CACNA1C: variants seen among roughly 807,000 people sequenced by gnomAD.
The protein encoded by CACNA1C is calcium voltage-gated channel subunit alpha1 C, also known as voltage-dependent L-type calcium channel subunit alpha-1C.
In CACNA1C, 30 loss-of-function variants were observed where a neutral mutation model predicts 229.0. The observed-to-expected ratio is 0.13, with a 90% CI of 0.10 to 0.18. The LOEUF (loss-of-function observed/expected upper bound fraction) is 0.18. Among genes scored for constraint, CACNA1C ranks in the 10% least tolerant of loss-of-function variants. The probability of loss-of-function intolerance (pLI) is 1.00; values close to 1 mark genes in which losing one functional copy is unlikely to be tolerated. For missense variants in CACNA1C, 1,658 were observed against 2,845.0 expected (o/e 0.58, Z 9.49); for synonymous variants, 1,114 against 1,132.5 (o/e 0.98, Z 0.33).
intron 3 of CACNA1C, among the ~76,000 whole-genome samples, chr12:2,352,957 A>G (rs1230714606): frequency 6.6e-6 from 1 of 152,230 alleles, no homozygotes; most frequent in Non-Finnish European, 1.5e-5. Flanking sequence ...CTTATGAAGC[A>G]TACACACAAG....
intron 3 of CACNA1C, among the ~76,000 whole-genome samples, chr12:2,200,603 C>T (rs2097553810): frequency 6.6e-6 from 1 of 152,232 alleles, no homozygotes; most frequent in Admixed American, 6.5e-5. Flanking sequence ...AAGGCTCCTA[C>T]TCCCATGAAG....
At chr12:2,253,143 A>T (rs147545118) in intron 3 of CACNA1C, among the ~76,000 whole-genome samples, 1 of 152,170 alleles carries the variant, frequency 6.6e-6, no homozygotes, top group African/African-American at 2.4e-5. Flanking sequence ...GAATCCACTT[A>T]TCCCCAAAGA....
intron 19 of CACNA1C, among the ~76,000 whole-genome samples, chr12:2,594,000 TAGAC>T (rs1271565976): frequency 6.6e-6 from 1 of 152,242 alleles, no homozygotes; most frequent in Non-Finnish European, 1.5e-5. Flanking sequence ...TACACGATTT[TAGAC>T]AGACAATTTT....
intron 12 of CACNA1C, among the ~76,000 whole-genome samples, chr12:2,567,001 AT>A (rs144146146): frequency 0.046 from 6,938 of 152,340 alleles, 199 homozygotes; most frequent in Middle Eastern, 0.088. Context: ...AGAGAAGAGA[AT>A]AGGGCCTGAG....
At chr12:2,089,880 T>A (rs1333611133) in intron 1 of CACNA1C, among the ~76,000 whole-genome samples, 1 of 138,724 alleles carries the variant, frequency 7.2e-6, no homozygotes. Flanking sequence ...ATACAAAAAA[T>A]TAGCCGGGCG....
chr12:2,392,236 A>G (rs1388088171), intron 3 of CACNA1C, among the ~76,000 whole-genome samples: 3 of 152,234 alleles, frequency 2.0e-5, no homozygotes, highest in African/African-American at 7.2e-5. Context: ...TAAACGTGAG[A>G]ATTATTTCTA....
At chr12:2,335,624 A>G (rs1340618917) in intron 3 of CACNA1C, among the ~76,000 whole-genome samples, 4 of 152,126 alleles carry the variant, frequency 2.6e-5, no homozygotes, top group Non-Finnish European at 5.9e-5. Context: ...CAGCCTTTCC[A>G]GGTGCAGGAC....
rs2059680090 is a variant in CACNA1C at position 2,067,448 on chromosome 12, ACGTG to A, written c.49+13838_49+13841del. Among the ~76,000 whole-genome samples the A allele has an allele frequency of 6.8e-5, 3 of 44,330 alleles. No homozygotes were observed. The highest frequency in any genetic ancestry group is 1.6e-4 in the Non-Finnish European group (3 of 19,266). The allele number at this position is 44,330 out of a possible 152,430, so 29.1% of individuals were successfully genotyped here. On this transcript the variant is annotated intron_variant, in intron 1 of 46. Coordinates refer to ENST00000399655, the MANE Select transcript of CACNA1C (RefSeq NM_000719.7). This position sits in a 1 kb window ranked among gnomAD's most constrained non-coding sequence, Gnocchi z 5.3. ...GGCTTAGGACTGTGGACTAGGATGC[ACGTG>A]TGTGTGTGTGTGTGTGTGTGTGTGT...
rs1193925518 is a variant in CACNA1C, at chr12:2,531,493, T to C, written c.1391-18450T>C. ...CTAATTGTCTGTTAATCTTTCTGCA[T>C]TCCAATCCCCTTGAAGCCCCATCCA... On this transcript the variant is annotated intron_variant, in intron 9 of 46. Transcript: ENST00000399655. Among the ~76,000 whole-genome samples the C allele has an allele frequency of 2.0e-5, 3 of 152,370 alleles. No homozygotes were observed. The East Asian group carries it at 5.8e-4, about 29-fold the overall frequency.
At chr12:2,449,378 G>A (rs1431676249) in intron 4 of CACNA1C, among the ~76,000 whole-genome samples, 1 of 152,214 alleles carries the variant, frequency 6.6e-6, no homozygotes, top group East Asian at 1.9e-4. Context: ...AAAAGGAGGG[G>A]TCAGGCTTCT....
chr12:2,157,462 G>C (rs1271651645), intron 3 of CACNA1C, among the ~76,000 whole-genome samples: 2 of 152,234 alleles, frequency 1.3e-5, no homozygotes, highest in Non-Finnish European at 2.9e-5. Flanking sequence ...GGCGAATACA[G>C]GGCTGAGACT....
At chr12:2,427,343 A>G (rs549552627) in intron 3 of CACNA1C, among the ~76,000 whole-genome samples, 95 of 152,362 alleles carry the variant, frequency 6.2e-4, no homozygotes, top group African/African-American at 2.1e-3. Flanking sequence ...TGAAAAGGAT[A>G]ACAAATGATC....
rs1333908538 is a variant in CACNA1C at position 2,152,994 on chromosome 12, G to A, written c.477+32564G>A. ...GAAAGCTCAAGGAGGTAGTTACAAAGCAAAGGAAAACAAACAGTTTTGGGC... is the reference window on the plus strand; with the variant it reads ...GAAAGCTCAAGGAGGTAGTTACAAAACAAAGGAAAACAAACAGTTTTGGGC... On this transcript the variant is annotated intron_variant, in intron 3 of 46. Transcript: ENST00000399655. This position sits in a 1 kb window ranked among gnomAD's most constrained non-coding sequence, Gnocchi z 4.2. Among the ~76,000 whole-genome samples, 1 of 152,222 alleles carries A rather than the reference G, an allele frequency of 6.6e-6. No individual in the cohort carries two copies. The highest frequency in any genetic ancestry group is 2.4e-5 in the African/African-American group (1 of 41,462).
In CACNA1C at chr12:2,237,227, C is replaced by T. The variant is rs2159100; in HGVS notation, c.477+116797C>T. ...TTTCTGGGTCAATTTTAAAAATATA[C>T]GTTCAAGCAAAAAGCAACCTGTTAT... On this transcript the variant is annotated intron_variant, in intron 3 of 46. Transcript: ENST00000399655. Among the ~76,000 whole-genome samples the T allele has an allele frequency of 0.35, 53,793 of 152,012 alleles. 10,219 individuals are homozygous for T. The highest frequency in any genetic ancestry group is 0.48 in the African/African-American group (19,793 of 41,444).
At chr12:2,069,119 A>G (rs960617570) in intron 1 of CACNA1C, among the ~76,000 whole-genome samples, 1 of 152,220 alleles carries the variant, frequency 6.6e-6, no homozygotes, top group Non-Finnish European at 1.5e-5. Flanking sequence ...AAGCCATGGA[A>G]TGGGCTGGTA....
intron 9 of CACNA1C, among the ~76,000 whole-genome samples, chr12:2,549,697 C>T (rs1302779913): frequency 6.6e-6 from 1 of 152,164 alleles, no homozygotes; most frequent in Non-Finnish European, 1.5e-5. Flanking sequence ...GTAAAATGCT[C>T]TTATTACCAG....
chr12:2,044,286 T>C (rs2050703481), intron 1 of CACNA1C, among the ~76,000 whole-genome samples: 1 of 152,198 alleles, frequency 6.6e-6, no homozygotes. Flanking sequence ...TGTCCTGCCA[T>C]ACTTGACAAC....
intron 1 of CACNA1C, chr12:2,004,519 A>C: frequency 6.7e-7 from 1 of 1,501,398 alleles, no homozygotes; most frequent in South Asian, 1.3e-5. Context: ...GCAACCGAGA[A>C]CCCACGGCGA....
At chr12:2,208,478 T>C (rs2238054) in intron 3 of CACNA1C, among the ~76,000 whole-genome samples, 51,787 of 151,950 alleles carry the variant, frequency 0.34, 9,313 homozygotes, top group South Asian at 0.39. Flanking sequence ...CAGTGCCCGT[T>C]AGAGTGGATG....
Sources: allele counts gnomAD v4.1 joint callset (sites outside exome capture counted in the v4.1 genomes callset), GRCh38; gene constraint gnomAD v4.1.1; non-coding constraint Gnocchi (gnomAD v3.1); transcripts MANE v1.5; gene names NCBI Gene and HGNC (gene_info 2026-07-23, HGNC 2026-07-21).